TSPAN18: variants seen among roughly 807,000 people sequenced by gnomAD.
TSPAN18 encodes the protein tetraspanin-18.
In TSPAN18, 14 loss-of-function variants were observed where a neutral mutation model predicts 27.3. The observed-to-expected ratio is 0.51, with a 90% confidence interval of 0.34 to 0.80. The LOEUF is 0.80. TSPAN18 is among the 30% of genes least tolerant of loss of function. The pLI is 0.01. For missense variants in TSPAN18, 268 were observed against 323.9 expected (o/e 0.83, Z 1.32); for synonymous variants, 143 against 136.5 (o/e 1.05, Z -0.33).
At chr11:44,801,016 G>T (rs1324452737) in intron 2 of TSPAN18, among the ~76,000 whole-genome samples, 1 of 152,166 alleles carries the variant, frequency 6.6e-6, no homozygotes, top group Admixed American at 6.5e-5. Flanking sequence ...TGACCCCTAG[G>T]CTGAAGCTTT....
At chr11:44,795,167 C>G (rs1286521008) in intron 2 of TSPAN18, among the ~76,000 whole-genome samples, 2 of 149,006 alleles carry the variant, frequency 1.3e-5, no homozygotes, top group Non-Finnish European at 3.0e-5. Flanking sequence ...CTCATCCTTA[C>G]CACCTGGGCT....
At chr11:44,734,830 C>A (rs541417085) in intron 1 of TSPAN18, among the ~76,000 whole-genome samples, 1 of 152,158 alleles carries the variant, frequency 6.6e-6, no homozygotes, top group African/African-American at 2.4e-5. Flanking sequence ...CAGATTGCAG[C>A]GTGCTCTAGT....
At chr11:44,868,100 A>T (rs151149913) in intron 3 of TSPAN18, among the ~76,000 whole-genome samples, 33 of 152,130 alleles carry the variant, frequency 2.2e-4, no homozygotes, top group Non-Finnish European at 4.0e-4. Context: ...GGGGAGATGG[A>T]GAAAAAGGAG....
At chr11:44,778,001 G>C (rs7945444) in intron 2 of TSPAN18, among the ~76,000 whole-genome samples, 20,361 of 152,162 alleles carry the variant, frequency 0.13, 1,877 homozygotes, top group Middle Eastern at 0.2. Flanking sequence ...GATACCCTAG[G>C]GGGTAGAGCA....
At chr11:44,832,090 G>C (rs1007860043) in intron 2 of TSPAN18, among the ~76,000 whole-genome samples, 2 of 152,288 alleles carry the variant, frequency 1.3e-5, no homozygotes, top group Middle Eastern at 3.4e-3. Context: ...ACCTGTCCAA[G>C]CACTTGACTC....
At chr11:44,823,511 C>T (rs536137660) in intron 2 of TSPAN18, among the ~76,000 whole-genome samples, 12 of 152,194 alleles carry the variant, frequency 7.9e-5, no homozygotes, top group African/African-American at 2.6e-4. Context: ...AAAGTAAAGA[C>T]ACCACTCAAA....
At chr11:44,800,128 G>T (rs970376200) in intron 2 of TSPAN18, among the ~76,000 whole-genome samples, 8 of 151,396 alleles carry the variant, frequency 5.3e-5, no homozygotes, top group African/African-American at 1.9e-4. Context: ...AACTGCTGGG[G>T]TTACAGGTGT....
intron 4 of TSPAN18, among the ~76,000 whole-genome samples, chr11:44,908,603 C>T (rs1859543513): frequency 7.2e-6 from 1 of 139,072 alleles, no homozygotes; most frequent in Admixed American, 7.6e-5. Flanking sequence ...GGTGTAGTGG[C>T]ATGTGCCTGT....
chr11:44,760,230 T>G, intron 1 of TSPAN18, among the ~76,000 whole-genome samples: 1 of 152,296 alleles, frequency 6.6e-6, no homozygotes, highest in African/African-American at 2.4e-5. Flanking sequence ...TCTCCATTTA[T>G]GGGCTCACTC....
chr11:44,742,301 CTCCCTCCCT>C (rs1433854641), intron 1 of TSPAN18, among the ~76,000 whole-genome samples: 22 of 149,646 alleles, frequency 1.5e-4, no homozygotes, highest in Non-Finnish European at 2.2e-4. Flanking sequence ...CCCTCCCTCC[CTCCCTCCCT>C]TTTTTCCTTT....
chr11:44,859,870 G>A (rs958015637), intron 2 of TSPAN18: 1 of 152,184 alleles, frequency 6.6e-6, no homozygotes, highest in Non-Finnish European at 1.5e-5. Context: ...CTCCTTATTG[G>A]TAAAAAGAGG....
At chr11:44,837,578 G>A (rs1402074959) in intron 2 of TSPAN18, among the ~76,000 whole-genome samples, 5 of 152,240 alleles carry the variant, frequency 3.3e-5, no homozygotes, top group African/African-American at 9.6e-5. Context: ...TTTACTGTGG[G>A]TGAAATCCTA....
At chr11:44,858,385 CT>C (rs34518285) in intron 2 of TSPAN18, among the ~76,000 whole-genome samples, 32,731 of 152,192 alleles carry the variant, frequency 0.22, 3,747 homozygotes, top group South Asian at 0.36. Flanking sequence ...GCTCCTCTCC[CT>C]TTGAGTTATT....
rs150177146 is a variant in TSPAN18, at chr11:44,809,316, A to C, written c.-153+44804A>C. Among the ~76,000 whole-genome samples, 357 of 152,084 alleles carry C rather than the reference A, an allele frequency of 2.3e-3. 4 individuals are homozygous for C. The highest frequency in any genetic ancestry group is 8.2e-3 in the African/African-American group (338 of 41,466). ...TATTTTCCCATTTATCTCCACCGAG[A>C]GGTCTCTGAAGCTGGGGCACAAGCT... On this transcript the variant is annotated intron_variant, in intron 2 of 9. Transcript: ENST00000520358.
intron 2 of TSPAN18, among the ~76,000 whole-genome samples, chr11:44,829,476 T>C (rs1372511384): frequency 6.6e-6 from 1 of 152,244 alleles, no homozygotes; most frequent in African/African-American, 2.4e-5. Flanking sequence ...CACTAAGCAA[T>C]ATGCATTTAA....
At chr11:44,741,085 A>C (rs887799114) in intron 1 of TSPAN18, among the ~76,000 whole-genome samples, 5 of 152,148 alleles carry the variant, frequency 3.3e-5, no homozygotes. Context: ...TTGAACGGGG[A>C]ACATGACCTC....
chr11:44,912,409 C>G (rs1859755432), intron 5 of TSPAN18, among the ~76,000 whole-genome samples: 1 of 151,688 alleles, frequency 6.6e-6, no homozygotes, highest in Non-Finnish European at 1.5e-5. Flanking sequence ...GTCTCTCTCT[C>G]CACTTCCCCT....
At chr11:44,916,040 G>A (rs1367732619) in intron 5 of TSPAN18, among the ~76,000 whole-genome samples, 2 of 152,212 alleles carry the variant, frequency 1.3e-5, no homozygotes, top group South Asian at 2.1e-4. Context: ...ACACATCCCC[G>A]CCACGGGCTG....
intron 8 of TSPAN18, among the ~76,000 whole-genome samples, chr11:44,925,229 A>G (rs1860307804): frequency 6.6e-6 from 1 of 152,238 alleles, no homozygotes; most frequent in African/African-American, 2.4e-5. Context: ...GTATCGTCCT[A>G]TAATGCTGAT....
Sources: allele counts gnomAD v4.1 joint callset (sites outside exome capture counted in the v4.1 genomes callset), GRCh38; gene constraint gnomAD v4.1.1; transcripts MANE v1.5; gene names NCBI Gene and HGNC (gene_info 2026-07-23, HGNC 2026-07-21).